The following ROR1 variants were observed in gnomAD, a reference collection of about 807,000 sequenced individuals.
The protein encoded by ROR1 is ROR family WNT receptor 1.
A neutral mutation model predicts 78.8 loss-of-function variants in ROR1; 19 were observed. That is an observed-to-expected ratio of 0.24 (90% CI 0.17 to 0.35). The LOEUF (loss-of-function observed/expected upper bound fraction) is 0.35, where lower values mean the gene tolerates loss of function less well. Among genes scored for constraint, ROR1 ranks in the 10% least tolerant of loss-of-function variants. The pLI, the probability that ROR1 is intolerant of heterozygous loss-of-function variation, is 1.00. For synonymous variants in ROR1, 386 were observed against 433.6 expected (o/e 0.89, Z 1.36); for missense variants, 917 against 1,177.8 (o/e 0.78, Z 3.24).
At chr1:64,085,443 G>A (rs1390553780) in intron 4 of ROR1, among the ~76,000 whole-genome samples, 1 of 152,136 alleles carries the variant, frequency 6.6e-6, no homozygotes, top group African/African-American at 2.4e-5. Flanking sequence ...GCAAGTGTCA[G>A]TCACAAGAGA....
Position 64,123,789 on chromosome 1 carries a change from A to G in ROR1, c.483-13580A>G, listed in dbSNP as rs576834327. Among the ~76,000 whole-genome samples the G allele has an allele frequency of 5.9e-5, 9 of 152,322 alleles. No individual in the cohort carries two copies. The South Asian group carries it at 1.9e-3, about 32-fold the overall frequency. On this transcript the variant is annotated intron_variant, in intron 4 of 8. Transcript: ENST00000371079. ...CCCATTGATGGTAGAAATATAAGTC[A>G]TAACAGTTTTCTTAAAAGATATTTA...
intron 2 of ROR1, among the ~76,000 whole-genome samples, chr1:64,022,937 TAAC>T (rs1646576596): frequency 6.6e-6 from 1 of 152,148 alleles, no homozygotes. Flanking sequence ...TACTTTATAA[TAAC>T]ATTTATTTAT....
intron 4 of ROR1, among the ~76,000 whole-genome samples, chr1:64,121,283 A>G (rs981664134): frequency 2.1e-5 from 3 of 145,094 alleles, no homozygotes; most frequent in South Asian, 4.4e-4. Flanking sequence ...TTATTTTGGT[A>G]AGGACCTGAC....
intron 1 of ROR1, among the ~76,000 whole-genome samples, chr1:63,960,612 A>G (rs1050113620): frequency 6.6e-6 from 1 of 152,168 alleles, no homozygotes; most frequent in East Asian, 1.9e-4. Flanking sequence ...CACTTGTGTA[A>G]GTGTGTGTCA....
intron 4 of ROR1, among the ~76,000 whole-genome samples, chr1:64,058,297 TTTCAA>T (rs1201237898): frequency 6.6e-6 from 1 of 152,188 alleles, no homozygotes; most frequent in African/African-American, 2.4e-5. Flanking sequence ...ACTTTTTTCT[TTTCAA>T]TTTGGGTGCC....
intron 1 of ROR1, among the ~76,000 whole-genome samples, chr1:63,868,265 G>T (rs1165833323): frequency 1.3e-5 from 2 of 152,060 alleles, no homozygotes; most frequent in Admixed American, 6.6e-5. Flanking sequence ...TACTTTCTGT[G>T]TGCTGCTTAC....
At chr1:63,815,021 A>T (rs1644882033) in intron 1 of ROR1, among the ~76,000 whole-genome samples, 1 of 152,072 alleles carries the variant, frequency 6.6e-6, no homozygotes, top group South Asian at 2.1e-4. Context: ...CTTTCACTGA[A>T]TTGCCTTCAC....
chr1:63,858,198 C>T (rs1338867993), intron 1 of ROR1, among the ~76,000 whole-genome samples: 1 of 152,024 alleles, frequency 6.6e-6, no homozygotes, highest in African/African-American at 2.4e-5. Flanking sequence ...GCTTTTAGGC[C>T]CCATGTTTAT....
At chr1:63,810,171 G>C (rs1210303245) in intron 1 of ROR1, among the ~76,000 whole-genome samples, 1 of 152,242 alleles carries the variant, frequency 6.6e-6, no homozygotes, top group African/African-American at 2.4e-5. Flanking sequence ...TTTTACAGGT[G>C]TGTTGGGAAA....
chr1:63,867,284 T>G (rs554929104), intron 1 of ROR1, among the ~76,000 whole-genome samples: 1 of 152,172 alleles, frequency 6.6e-6, no homozygotes, highest in African/African-American at 2.4e-5. Flanking sequence ...TTAGACCAGG[T>G]GGTTTCACAA....
Position 64,178,353 on chromosome 1 carries a change from C to T in ROR1, c.2312C>T (p.Thr771Ile), listed in dbSNP as rs765179740. The change falls in exon 9 of 9, where the codon ACC becomes ATC. Residue 771 changes from threonine to isoleucine, a missense_variant. By Grantham distance (89) the Thr-to-Ile change is moderately conservative. Coordinates refer to ENST00000371079, the MANE Select transcript of ROR1 (RefSeq NM_005012.4). This position sits in a 1 kb window ranked among gnomAD's most constrained non-coding sequence, Gnocchi z 4.3. ...PSGGNATTQT[T>I]SLSASPVSNL... is the part of the protein sequence containing the mutation. ...GGGGGAAATGCCACCACACAGACAA[C>T]CTCCCTCAGTGCCAGCCCAGTGAGT... 20 of 1,614,070 alleles carry T rather than the reference C, an allele frequency of 1.2e-5. No homozygotes were observed. In the African/African-American group the frequency reaches 1.3e-4, roughly 11 times the overall value.
At chr1:64,118,484 G>A (rs1648398330) in intron 4 of ROR1, among the ~76,000 whole-genome samples, 1 of 151,698 alleles carries the variant, frequency 6.6e-6, no homozygotes, top group Admixed American at 6.6e-5. Context: ...AAAATTAGCT[G>A]GGCATGGTGG....
intron 1 of ROR1, among the ~76,000 whole-genome samples, chr1:63,849,601 G>A (rs1645101365): frequency 6.6e-6 from 1 of 152,168 alleles, no homozygotes; most frequent in South Asian, 2.1e-4. Context: ...CAGAGACTGA[G>A]TTGGGAAGGT....
At chr1:64,124,399 CCT>C (rs1007868643) in intron 4 of ROR1, among the ~76,000 whole-genome samples, 1 of 152,032 alleles carries the variant, frequency 6.6e-6, no homozygotes, top group Non-Finnish European at 1.5e-5. Context: ...TTTCTCCTTC[CCT>C]CTCTGTCTCC....
At chr1:64,109,787 C>CA (rs1183850625) in intron 4 of ROR1, among the ~76,000 whole-genome samples, 2 of 152,118 alleles carry the variant, frequency 1.3e-5, no homozygotes, top group Non-Finnish European at 2.9e-5. Context: ...CTCTGCCTTC[C>CA]AAAGTGCTGG....
intron 1 of ROR1, among the ~76,000 whole-genome samples, chr1:63,822,369 T>C (rs1438932968): frequency 6.6e-6 from 1 of 152,220 alleles, no homozygotes; most frequent in African/African-American, 2.4e-5. Flanking sequence ...AATGAATGAT[T>C]TTATTCCTTT....
intron 2 of ROR1, among the ~76,000 whole-genome samples, chr1:64,012,827 C>G (rs1646487525): frequency 2.0e-5 from 3 of 152,024 alleles, no homozygotes; most frequent in Non-Finnish European, 4.4e-5. Flanking sequence ...TTCAAAATAA[C>G]TAAATCAAAA....
rs535729722 is a variant in ROR1, at chr1:63,908,376, C to T, written c.92-100929C>T. On this transcript the variant is annotated intron_variant, in intron 1 of 8. Transcript: ENST00000371079. The stretch of plus-strand genomic sequence containing the variant: ...ACCCACAGGCTCAGATCTGTGATTC[C>T]CAACATCTTTTTATATGAGGGCCTA... 2.0e-5 allele frequency among the ~76,000 whole-genome samples: 3 copies of T among 152,158 alleles called. No homozygotes were observed. In the East Asian group the frequency reaches 5.8e-4, roughly 29 times the overall value.
chr1:64,178,548 A>G lies in ROR1; in HGVS notation c.2507A>G (p.Tyr836Cys). ...PGYAAFPAAH[Y>C]QPTGPPRVIQ... is the part of the protein sequence containing the mutation. ...TATGCAGCGTTTCCAGCTGCCCACT[A>G]CCAGCCAACAGGTCCTCCCAGAGTG... Residue 836 changes from tyrosine (Y) to cysteine (C), a missense_variant, in exon 9 of 9, where the codon TAC (tyrosine) becomes TGC (cysteine). Physicochemically the swap from Tyr to Cys is radical, Grantham distance 194. Coordinates refer to ENST00000371079, the MANE Select transcript of ROR1 (RefSeq NM_005012.4). The surrounding 1 kb of genome is among the most constrained non-coding windows in gnomAD (Gnocchi z 4.3). The G allele has an allele frequency of 1.2e-6, 2 of 1,614,088 alleles. No homozygotes were observed. The highest frequency in any genetic ancestry group is 1.7e-6 in the Non-Finnish European group (2 of 1,180,010).
Sources: gnomAD v4.1 joint callset for allele counts (sites outside exome capture counted in the v4.1 genomes callset) on GRCh38, gnomAD v4.1.1 for gene constraint, Gnocchi (gnomAD v3.1) non-coding constraint, MANE v1.5 for transcripts, NCBI Gene and HGNC (gene_info 2026-07-23, HGNC 2026-07-21) for gene names.